DSCAML1: variants seen among roughly 807,000 people sequenced by gnomAD.
DSCAML1 encodes the protein DS cell adhesion molecule like 1, also known as cell adhesion molecule DSCAML1.
In DSCAML1, 38 loss-of-function variants were observed where a neutral mutation model predicts 200.5. That is an observed-to-expected ratio of 0.19 (90% CI 0.15 to 0.25). The LOEUF (loss-of-function observed/expected upper bound fraction) is 0.25, where lower values mean the gene tolerates loss of function less well. DSCAML1 is among the 10% of genes least tolerant of loss of function. DSCAML1 has a pLI of 1.00. For missense variants in DSCAML1, 2,223 were observed against 2,858.8 expected (o/e 0.78, Z 5.07); for synonymous variants, 1,215 against 1,165.0 (o/e 1.04, Z -0.87).
intron 3 of DSCAML1, among the ~76,000 whole-genome samples, chr11:117,715,693 G>A (rs1480242698): frequency 2.0e-5 from 3 of 152,302 alleles, no homozygotes; most frequent in South Asian, 4.1e-4. Flanking sequence ...GAGAGGCAGA[G>A]GCTGTCCGAG....
intron 3 of DSCAML1, among the ~76,000 whole-genome samples, chr11:117,599,766 A>G (rs144313131): frequency 6.6e-6 from 1 of 152,334 alleles, no homozygotes; most frequent in East Asian, 1.9e-4. Context: ...GAAAATGGGC[A>G]TACAGTGCAC....
At chr11:117,678,737 C>CA (rs11406664) in intron 3 of DSCAML1, among the ~76,000 whole-genome samples, 35,441 of 152,182 alleles carry the variant, frequency 0.23, 4,240 homozygotes, top group Middle Eastern at 0.29. Flanking sequence ...TCTTTCAGGA[C>CA]AATGGCATGC....
At chr11:117,442,793 T>G (rs537314480) in intron 21 of DSCAML1, among the ~76,000 whole-genome samples, 1 of 151,928 alleles carries the variant, frequency 6.6e-6, no homozygotes, top group African/African-American at 2.4e-5. Context: ...TAGGGGGTGG[T>G]AGGAGGTGCT....
At chr11:117,551,391 A>G (rs2137392502) in intron 3 of DSCAML1, among the ~76,000 whole-genome samples, 1 of 152,284 alleles carries the variant, frequency 6.6e-6, no homozygotes, top group Non-Finnish European at 1.5e-5. Flanking sequence ...TACAGATGAG[A>G]AAACTGAGGC....
chr11:117,439,560 C>T, intron 22 of DSCAML1, 131 bp from the exon 23 acceptor site: 1 of 1,234,586 alleles, frequency 8.1e-7, no homozygotes, highest in Non-Finnish European at 1.1e-6. Context: ...GTTCTTGGGG[C>T]TTTGCTCAGC....
intron 15 of DSCAML1, 67 bp downstream of exon 15, chr11:117,471,802 C>CCCACCCCCTTTAACTGCAAGCTCATT: frequency 2.6e-6 from 4 of 1,530,894 alleles, no homozygotes; most frequent in Non-Finnish European, 3.5e-6. Context: ...TGAACAGGAT[C>CCCACCCCCTTTAACTGCAAGCTCATT]GCTGTAGGCC....
At chr11:117,701,774 A>G (rs1163379038) in intron 3 of DSCAML1, among the ~76,000 whole-genome samples, 2 of 152,228 alleles carry the variant, frequency 1.3e-5, no homozygotes, top group Admixed American at 1.3e-4. Context: ...GGCGCTGCTG[A>G]TGGTGCCTGG....
chr11:117,547,581 C>G (rs1310762243), intron 3 of DSCAML1, among the ~76,000 whole-genome samples: 4 of 152,160 alleles, frequency 2.6e-5, no homozygotes, highest in African/African-American at 9.7e-5. Flanking sequence ...GATATGCTTT[C>G]TGACCCCAGG....
At chr11:117,606,443 T>C (rs983873771) in intron 3 of DSCAML1, among the ~76,000 whole-genome samples, 2 of 152,222 alleles carry the variant, frequency 1.3e-5, no homozygotes, top group African/African-American at 4.8e-5. Context: ...CTTTGATCGA[T>C]GAGTTAAACC....
intron 1 of DSCAML1, among the ~76,000 whole-genome samples, chr11:117,816,891 T>A (rs2055814783): frequency 6.6e-6 from 1 of 151,904 alleles, no homozygotes; most frequent in South Asian, 2.1e-4. Context: ...GGACAGGAGA[T>A]CAGCCTGTAG....
At chr11:117,635,236 G>A (rs1343721136) in intron 3 of DSCAML1, among the ~76,000 whole-genome samples, 4 of 152,188 alleles carry the variant, frequency 2.6e-5, no homozygotes, top group Non-Finnish European at 4.4e-5. Flanking sequence ...GAAGTGGGAG[G>A]AGGAGCGGAT....
intron 3 of DSCAML1, among the ~76,000 whole-genome samples, chr11:117,600,601 G>C (rs888594701): frequency 1.2e-4 from 19 of 152,326 alleles, no homozygotes; most frequent in Admixed American, 1.2e-3. Flanking sequence ...CCAGAGGAGG[G>C]AGGAGGAGGT....
chr11:117,666,360 T>C (rs2052975573), intron 3 of DSCAML1, among the ~76,000 whole-genome samples: 1 of 152,228 alleles, frequency 6.6e-6, no homozygotes. Flanking sequence ...TTAGAAGTTG[T>C]GTAATCAATG....
intron 3 of DSCAML1, among the ~76,000 whole-genome samples, chr11:117,545,184 C>T (rs1477850217): frequency 6.6e-6 from 1 of 151,110 alleles, no homozygotes; most frequent in African/African-American, 2.4e-5. Context: ...GAGCTGAGAT[C>T]GTGCCACCAC....
intron 3 of DSCAML1, among the ~76,000 whole-genome samples, chr11:117,594,842 T>C (rs1418974244): frequency 6.6e-6 from 1 of 152,218 alleles, no homozygotes; most frequent in Non-Finnish European, 1.5e-5. Flanking sequence ...TACCCCATCC[T>C]GCCCCATAGA....
Position 117,504,974 on chromosome 11 carries a change from C to T in DSCAML1, c.2132G>A (p.Cys711Tyr). 1 of 1,612,022 alleles carries T rather than the reference C, an allele frequency of 6.2e-7. No individual in the cohort carries two copies. The highest frequency in any genetic ancestry group is 8.5e-7 in the Non-Finnish European group (1 of 1,178,798). Residue 711 changes from cysteine to tyrosine, a missense_variant, in exon 10 of 33, where the codon TGC becomes TAC. By Grantham distance (194) the Cys-to-Tyr change is radical. This residue lies in a region of DSCAML1 where 212 missense variants were observed against 368.0 expected (regional missense o/e 0.58). Transcript: ENST00000651296. The surrounding 1 kb of genome is among the most constrained non-coding windows in gnomAD (Gnocchi z 5.0). Reference sequence around the variant, plus strand: ...GGGTGGGGGGTAGCCGTCCACCGAGCAGTTGAGCACACCAGCTTTGCCGTA... The same window carrying T: ...GGGTGGGGGGTAGCCGTCCACCGAGTAGTTGAGCACACCAGCTTTGCCGTA... Reference protein sequence around the residue: ...GIYGKAGVLNCSVDGYPPPKV... With the variant: ...GIYGKAGVLNYSVDGYPPPKV...
intron 1 of DSCAML1, among the ~76,000 whole-genome samples, chr11:117,815,959 A>G (rs1391127370): frequency 6.6e-6 from 1 of 151,998 alleles, no homozygotes; most frequent in Non-Finnish European, 1.5e-5. Context: ...ACTCCTGAAC[A>G]TAGCTCGTCC....
At chr11:117,496,557 T>C (rs1025514990) in intron 11 of DSCAML1, among the ~76,000 whole-genome samples, 1 of 152,210 alleles carries the variant, frequency 6.6e-6, no homozygotes, top group African/African-American at 2.4e-5. Flanking sequence ...TTAACTGACA[T>C]ACAGGATACA....
chr11:117,752,870 C>A (rs570757510), intron 3 of DSCAML1, among the ~76,000 whole-genome samples: 1 of 152,304 alleles, frequency 6.6e-6, no homozygotes, highest in African/African-American at 2.4e-5. Flanking sequence ...TCTCCCAGGG[C>A]CCAGCACAGA....
Sources: gnomAD v4.1 joint callset for allele counts (sites outside exome capture counted in the v4.1 genomes callset) on GRCh38, gnomAD v4.1.1 for gene constraint, gnomAD v4.1.1 regional missense constraint, Gnocchi (gnomAD v3.1) non-coding constraint, MANE v1.5 for transcripts, NCBI Gene and HGNC (gene_info 2026-07-23, HGNC 2026-07-21) for gene names.